The following ANKMY1 variants were observed in gnomAD, a reference collection of about 807,000 sequenced individuals.
ANKMY1 encodes ankyrin repeat and MYND domain containing 1, also known as ankyrin repeat and MYND domain-containing protein 1.
Under a neutral mutation model 102.0 loss-of-function variants are expected in ANKMY1, and 98 were observed. That is an observed-to-expected ratio of 0.96 (90% CI 0.82 to 1.14). ANKMY1 has a LOEUF of 1.14. ANKMY1 is among the 50% of genes most tolerant of loss of function. The pLI is 0.00. For missense variants in ANKMY1, 1,330 were observed against 1,347.6 expected (o/e 0.99, Z 0.20); for synonymous variants, 582 against 559.9 (o/e 1.04, Z -0.56).
In ANKMY1 at chr2:240,482,220, T is replaced by TG; in HGVS notation, c.2847dup (p.Ser950GlnfsTer104). ...TTCACATCCAGGCCCCTGGGCAGGC[T>TG]GGGGCCCTTCTTCTTCATCCTGTGG... On this transcript the variant is annotated frameshift_variant, in exon 16 of 18. Coordinates refer to ENST00000401804, the MANE Select transcript of ANKMY1 (RefSeq NM_001282771.3). LOFTEE classifies it high-confidence loss of function. The TG allele has an allele frequency of 6.2e-7, 1 of 1,612,974 alleles. No homozygotes were observed.
intron 16 of ANKMY1, 43 bp from the exon 17 acceptor site, chr2:240,481,140 C>G: frequency 6.3e-7 from 1 of 1,586,318 alleles, no homozygotes; most frequent in Middle Eastern, 1.7e-4. Flanking sequence ...ACTCCAGAAC[C>G]TGCTTCCCCA....
At chr2:240,521,718 T>TC (rs968423341) in intron 8 of ANKMY1, among the ~76,000 whole-genome samples, 2 of 152,062 alleles carry the variant, frequency 1.3e-5, no homozygotes, top group Admixed American at 6.6e-5. Flanking sequence ...CAGGATGGTC[T>TC]CCATCTCCTG....
intron 9 of ANKMY1, among the ~76,000 whole-genome samples, chr2:240,519,309 G>A (rs1448979593): frequency 6.6e-6 from 1 of 152,238 alleles, no homozygotes; most frequent in Non-Finnish European, 1.5e-5. Context: ...AGAAATGATT[G>A]TAGGGTCCTT....
intron 4 of ANKMY1, among the ~76,000 whole-genome samples, chr2:240,533,809 A>C (rs2086064597): frequency 6.6e-6 from 1 of 152,114 alleles, no homozygotes; most frequent in South Asian, 2.1e-4. Flanking sequence ...ATGTAAAATG[A>C]AGAAATATCT....
upstream of ANKMY1, chr2:240,560,470 C>A (rs993895290): frequency 2.9e-6 from 2 of 682,448 alleles, no homozygotes; most frequent in Non-Finnish European, 4.2e-6. Context: ...AGGCCCAAAC[C>A]TCCCGCCATG....
chr2:240,543,512 A>T (rs1209676166), intron 4 of ANKMY1, among the ~76,000 whole-genome samples: 2 of 152,154 alleles, frequency 1.3e-5, no homozygotes, highest in East Asian at 3.8e-4. Context: ...CCAAAACAAA[A>T]TTATCTTTCT....
At chr2:240,538,498 G>C (rs561418067) in intron 4 of ANKMY1, among the ~76,000 whole-genome samples, 19 of 152,268 alleles carry the variant, frequency 1.2e-4, no homozygotes, top group Non-Finnish European at 1.5e-4. Flanking sequence ...ATTCTCGTGG[G>C]GACTCAGCTG....
At position 240,512,953 on chromosome 2, in the gene ANKMY1, A is replaced by G. The variant is rs1313028220; in HGVS notation, c.2005-11T>C. On this transcript the variant is annotated splice_polypyrimidine_tract_variant and intron_variant, in intron 9 of 17. Coordinates refer to ENST00000401804, the MANE Select transcript of ANKMY1 (RefSeq NM_001282771.3). ...TGTCAGGGTGCTCAGCTGCAGAGGAAACACCGGGGCGGGCAGTGAGGCACA... is the reference window on the plus strand; with the variant it reads ...TGTCAGGGTGCTCAGCTGCAGAGGAGACACCGGGGCGGGCAGTGAGGCACA... 6.2e-7 allele frequency: 1 copy of G among 1,609,990 alleles called. No homozygotes were observed. The highest frequency in any genetic ancestry group is 1.7e-5 in the Admixed American group (1 of 59,704).
chr2:240,534,283 T>C (rs542234051), intron 4 of ANKMY1, among the ~76,000 whole-genome samples: 10 of 152,374 alleles, frequency 6.6e-5, no homozygotes, highest in African/African-American at 2.4e-4. Context: ...GTAGCCTTGT[T>C]AATATCTACA....
At chr2:240,526,965 G>C (rs2083585158) in intron 5 of ANKMY1, 1 of 1,042,576 alleles carries the variant, frequency 9.6e-7, no homozygotes, top group African/African-American at 1.7e-5. Context: ...GTGCATTATA[G>C]ATGCTTCTGT....
At chr2:240,516,682 C>T (rs562690901) in intron 9 of ANKMY1, among the ~76,000 whole-genome samples, 1 of 152,316 alleles carries the variant, frequency 6.6e-6, no homozygotes, top group South Asian at 2.1e-4. Context: ...CAGCTACCAT[C>T]CAGGGCTTAC....
intron 4 of ANKMY1, among the ~76,000 whole-genome samples, chr2:240,547,683 C>A (rs1276988492): frequency 1.8e-4 from 27 of 148,788 alleles, no homozygotes; most frequent in African/African-American, 6.0e-4. Flanking sequence ...AAGGGGATAT[C>A]ACCACCGATC....
chr2:240,495,991 C>T (rs2077209298), intron 15 of ANKMY1, among the ~76,000 whole-genome samples: 2 of 152,228 alleles, frequency 1.3e-5, no homozygotes, highest in African/African-American at 4.8e-5. Context: ...TGTCTGTACA[C>T]TGCTCTGGTT....
rs201176859 is a variant in ANKMY1, at chr2:240,525,835, G to A, written c.1185C>T (p.Asn395=). 8.7e-5 allele frequency: 140 copies of A among 1,613,930 alleles called. No homozygotes were observed. Among genetic ancestry groups the A allele is most frequent in the Non-Finnish European group, 1.1e-4 (132 of 1,180,004 alleles). The change falls in exon 7 of 18, where the codon AAC becomes AAT. Residue 395 remains asparagine (N), a synonymous_variant. Transcript: ENST00000401804. The stretch of plus-strand genomic sequence containing the variant: ...AGTCCAGGAGAAGGTTGACAATGTC[G>A]TTGTGGCAGTGAGTCTGGAGGGAGA... ...VLAAAATHCH[N]DIVNLLLDCG...
chr2:240,470,556 G>C, the ANKMY1 span, among the ~76,000 whole-genome samples: 1 of 152,016 alleles, frequency 6.6e-6, no homozygotes, highest in Non-Finnish European at 1.5e-5. Context: ...ATATGAACAG[G>C]AACCCTCATG....
chr2:240,519,887 T>G, intron 9 of ANKMY1: 2 of 249,176 alleles, frequency 8.0e-6, no homozygotes, highest in South Asian at 3.9e-5. Context: ...AGAAAAAAAA[T>G]ATAAAATCAG....
At chr2:240,527,491 A>ACTGGATGGGCGGGTG (rs1464558739) in intron 5 of ANKMY1, 1 of 150,662 alleles carries the variant, frequency 6.6e-6, no homozygotes, top group Non-Finnish European at 1.5e-5. Flanking sequence ...CTGATGGATG[A>ACTGGATGGGCGGGTG]AGGGGTTGGT....
chr2:240,474,605 TC>T (rs552738536), downstream of ANKMY1, among the ~76,000 whole-genome samples: 75 of 152,268 alleles, frequency 4.9e-4, no homozygotes, highest in African/African-American at 1.6e-3. Flanking sequence ...TGTCTGTTGT[TC>T]CCCTTTTTTG....
intron 4 of ANKMY1, among the ~76,000 whole-genome samples, chr2:240,545,133 T>C (rs981667963): frequency 1.3e-5 from 2 of 152,228 alleles, no homozygotes; most frequent in African/African-American, 4.8e-5. Context: ...AAGAGAGCAG[T>C]GGTTCTCCCA....
Sources: allele counts gnomAD v4.1 joint callset (sites outside exome capture counted in the v4.1 genomes callset), GRCh38; gene constraint gnomAD v4.1.1; transcripts MANE v1.5; gene names NCBI Gene and HGNC (gene_info 2026-07-23, HGNC 2026-07-21).